Variants in PSMA5 observed in about 807,000 individuals in gnomAD.
The protein encoded by PSMA5 is proteasome subunit alpha type-5.
In PSMA5, 3 loss-of-function variants were observed where a neutral mutation model predicts 34.5. The observed-to-expected ratio is 0.09, with a 90% confidence interval of 0.04 to 0.22. PSMA5 has a LOEUF of 0.22. PSMA5 is among the 10% of genes least tolerant of loss of function. The probability of loss-of-function intolerance (pLI) is 1.00; values close to 1 mark genes in which losing one functional copy is unlikely to be tolerated. For synonymous variants in PSMA5, 88 were observed against 95.8 expected (o/e 0.92, Z 0.47); for missense variants, 120 against 286.1 (o/e 0.42, Z 4.19).
At chr1:109,422,004 C>T in intron 1 of PSMA5, 78 bp from the exon 2 acceptor site, 1 of 847,830 alleles carries the variant, frequency 1.2e-6, no homozygotes, top group Non-Finnish European at 1.7e-6. Flanking sequence ...TCCTTGACAA[C>T]TAGCTCAGAT....
Position 109,406,810 on chromosome 1 carries a change from G to A in PSMA5, c.648+3118C>T, listed in dbSNP as rs116161931. On this transcript the variant is annotated intron_variant, in intron 8 of 8. Coordinates refer to ENST00000271308, the MANE Select transcript of PSMA5 (RefSeq NM_002790.4). ...GGAGGATCAATATAATGACTGGGGT[G>A]ACAGATACTGGGGGTTGTACATTTG... is the stretch of plus-strand genomic sequence containing the variant. Among the ~76,000 whole-genome samples the A allele has an allele frequency of 8.6e-3, 1,312 of 152,258 alleles. 26 individuals carry two copies. The highest frequency in any genetic ancestry group is 0.03 in the African/African-American group (1,252 of 41,550).
Position 109,426,313 on chromosome 1 carries a change from A to C in PSMA5, c.18T>G (p.Ser6=), listed in dbSNP as rs566733005. 4.6e-5 allele frequency: 75 copies of C among 1,613,726 alleles called. No individual in the cohort carries two copies. The South Asian group carries it at 7.5e-4, about 16-fold the overall frequency. The change falls in exon 1 of 9, where the codon TCT becomes TCG. Residue 6 remains serine, a synonymous_variant. Transcript: ENST00000271308. ...CCAGCTGCACGGACCTGTCGTACTC[A>C]GACCGGGTAAGAAACATGGCGAGGG... MFLTR[S]EYDRGVNTFS... is the part of the protein sequence containing the mutation.
At chr1:109,410,661 T>C (rs1215335590) in intron 7 of PSMA5, among the ~76,000 whole-genome samples, 2 of 152,230 alleles carry the variant, frequency 1.3e-5, no homozygotes, top group African/African-American at 2.4e-5. Context: ...CATACCATGG[T>C]ATATTACTCA....
chr1:109,417,514 C>A (rs1423001775), intron 2 of PSMA5, among the ~76,000 whole-genome samples: 1 of 152,206 alleles, frequency 6.6e-6, no homozygotes, highest in Non-Finnish European at 1.5e-5. Flanking sequence ...ACGACTGCAC[C>A]TCCCCCACTC....
rs1354875956 is a variant in PSMA5, at chr1:109,426,438, A to G, written c.-108T>C. The G allele has an allele frequency of 5.0e-6, 7 of 1,400,788 alleles. No homozygotes were observed. The highest frequency in any genetic ancestry group is 1.7e-5 in the Admixed American group (1 of 59,304). 86.8% of individuals were successfully genotyped at this position (1,400,788 alleles called of 1,614,324 possible). A position where few individuals can be genotyped will look rare whatever the true frequency, so the allele number is the denominator to read the frequency against. On this transcript the variant is annotated 5_prime_UTR_variant, in exon 1 of 9. Transcript: ENST00000271308. The stretch of plus-strand genomic sequence containing the variant: ...AACTCACCCACACGGCCGCAGTACT[A>G]AGGACCAACTGCGCGTGCGACCGCG...
chr1:109,414,235 G>A (rs1375711537), intron 3 of PSMA5, among the ~76,000 whole-genome samples: 4 of 152,252 alleles, frequency 2.6e-5, no homozygotes. Context: ...CCAGACACTT[G>A]TTTGCCTTGT....
chr1:109,419,528 G>A (rs1654350697), intron 2 of PSMA5, among the ~76,000 whole-genome samples: 1 of 152,054 alleles, frequency 6.6e-6, no homozygotes, highest in Non-Finnish European at 1.5e-5. Flanking sequence ...ACTTAGGCCA[G>A]GCGCGGTGGC....
At position 109,426,234 on chromosome 1, in the gene PSMA5, G is replaced by GT. The variant is rs1219446346; in HGVS notation, c.29+67_29+68insA. 3.7e-5 allele frequency: 59 copies of GT among 1,595,002 alleles called. 1 individual carries two copies. Among genetic ancestry groups the GT allele is most frequent in the Non-Finnish European group, 5.0e-5 (58 of 1,162,874 alleles). On this transcript the variant is annotated intron_variant, in intron 1 of 8. Coordinates refer to ENST00000271308, the MANE Select transcript of PSMA5 (RefSeq NM_002790.4). ...GAGCCCCATGACACGGCAGAACCCA[G>GT]GCCGCGCGGCCAGGTCCCGGGCCTG...
At chr1:109,412,397 G>A (rs993691304) in intron 4 of PSMA5, 12 of 473,302 alleles carry the variant, frequency 2.5e-5, no homozygotes, top group Admixed American at 1.0e-4. Flanking sequence ...ACGCAACGAC[G>A]GACAAGAGAA....
intron 1 of PSMA5, among the ~76,000 whole-genome samples, chr1:109,424,189 C>G (rs1022220810): frequency 6.6e-6 from 1 of 152,162 alleles, no homozygotes; most frequent in African/African-American, 2.4e-5. Context: ...CCATGATCGT[C>G]TCATATTGAA....
chr1:109,411,583 C>T (rs1653992737), intron 6 of PSMA5, among the ~76,000 whole-genome samples: 1 of 152,130 alleles, frequency 6.6e-6, no homozygotes, highest in African/African-American at 2.4e-5. Context: ...CATACACACA[C>T]ACACACTCTA....
At chr1:109,415,738 A>T (rs1428207276) in intron 2 of PSMA5, among the ~76,000 whole-genome samples, 1 of 152,204 alleles carries the variant, frequency 6.6e-6, no homozygotes, top group East Asian at 1.9e-4. Flanking sequence ...CGGAGGATTC[A>T]AAAGTTCTAA....
In PSMA5 at chr1:109,400,556, TTAA is replaced by T. The variant is rs1482793529; in HGVS notation, c.*1454_*1456del. The T allele has an allele frequency of 2.0e-5, 3 of 152,232 alleles. No individual in the cohort carries two copies. The highest frequency in any genetic ancestry group is 4.4e-5 in the Non-Finnish European group (3 of 68,038). 9.4% of individuals were successfully genotyped at this position (152,232 alleles called of 1,614,324 possible). A position where few individuals can be genotyped will look rare whatever the true frequency, so the allele number is the denominator to read the frequency against. On this transcript the variant is annotated 3_prime_UTR_variant, in exon 9 of 9. Coordinates refer to ENST00000271308, the MANE Select transcript of PSMA5 (RefSeq NM_002790.4). ...AAATCTCCCCATCAACATGCTATAC[TTAA>T]TAAGTGTTAAAATCACTAGAAGTCT... is the stretch of plus-strand genomic sequence containing the variant.
intron 1 of PSMA5, among the ~76,000 whole-genome samples, chr1:109,425,065 G>A (rs543111221): frequency 5.9e-5 from 9 of 152,248 alleles, no homozygotes; most frequent in African/African-American, 1.7e-4. Context: ...GCCACAGAGC[G>A]AGACTGTCTC....
intron 4 of PSMA5, 129 bp downstream of exon 4, chr1:109,412,939 A>C: frequency 1.4e-6 from 1 of 732,608 alleles, no homozygotes; most frequent in Non-Finnish European, 2.3e-6. Flanking sequence ...TGGGAATTCT[A>C]CCCAAAATTA....
At chr1:109,412,960 C>T in intron 4 of PSMA5, 108 bp downstream of exon 4, 2 of 910,478 alleles carry the variant, frequency 2.2e-6, no homozygotes, top group Non-Finnish European at 3.5e-6. Context: ...CTCCCAAGAG[C>T]CACATCTAAT....
intron 1 of PSMA5, chr1:109,425,389 C>A (rs1202011005): frequency 6.6e-6 from 1 of 152,114 alleles, no homozygotes; most frequent in Non-Finnish European, 1.5e-5. Flanking sequence ...TAAATATCGA[C>A]CAACAAAGTC....
intron 4 of PSMA5, chr1:109,412,835 A>G (rs1220976687): frequency 7.2e-6 from 3 of 413,940 alleles, no homozygotes; most frequent in African/African-American, 6.2e-5. Flanking sequence ...CAAAGCCAAA[A>G]AAAAAAGGAA....
intron 7 of PSMA5, 31 bp downstream of exon 7, chr1:109,410,980 A>AATAGTAAG (rs1557841011): frequency 2.7e-6 from 4 of 1,481,648 alleles, no homozygotes; most frequent in Non-Finnish European, 3.7e-6. Flanking sequence ...ATGATAAAAA[A>AATAGTAAG]ATAGTAAGAG....
Sources: allele counts gnomAD v4.1 joint callset (sites outside exome capture counted in the v4.1 genomes callset), GRCh38; gene constraint gnomAD v4.1.1; transcripts MANE v1.5; gene names NCBI Gene and HGNC (gene_info 2026-07-23, HGNC 2026-07-21).